Variants in CRACR2A observed in about 807,000 individuals in gnomAD.
CRACR2A encodes the protein calcium release activated channel regulator 2A, also known as EF-hand calcium-binding domain-containing protein 4B.
In CRACR2A, 79 loss-of-function variants were observed where a neutral mutation model predicts 90.5. The observed-to-expected ratio is 0.87, with a 90% CI of 0.73 to 1.05. The LOEUF (loss-of-function observed/expected upper bound fraction) is 1.05, where lower values mean the gene tolerates loss of function less well. CRACR2A is among the 50% of genes least tolerant of loss of function. The probability of loss-of-function intolerance (pLI) is 0.00; values close to 1 mark genes in which losing one functional copy is unlikely to be tolerated. For synonymous variants in CRACR2A, 338 were observed against 356.7 expected, an observed-to-expected ratio of 0.95 and a Z score of 0.59; for missense variants, 823 against 897.2, an observed-to-expected ratio of 0.92 and a Z score of 1.06.
At position 3,642,775 on chromosome 12, in the gene CRACR2A, C is replaced by T. The variant is rs1033329705; in HGVS notation, c.1165-937G>A. 3.0e-4 allele frequency among the ~76,000 whole-genome samples: 45 copies of T among 152,078 alleles called. 2 individuals are homozygous for T. Among genetic ancestry groups the T allele is most frequent in the Admixed American group, 2.7e-3 (41 of 15,270 alleles). ...ACCTGGGTGGAGCAGGGGTTTACAA[C>T]CCCCTTTGCCTATGCTCCCTGACAG... On this transcript the variant is annotated intron_variant, in intron 12 of 19. Coordinates refer to ENST00000440314, the MANE Select transcript of CRACR2A (RefSeq NM_001144958.2).
intron 2 of CRACR2A, among the ~76,000 whole-genome samples, chr12:3,720,709 C>T (rs182570958): frequency 1.0e-3 from 159 of 152,324 alleles, no homozygotes; most frequent in African/African-American, 3.7e-3. Flanking sequence ...CTGTGTTATT[C>T]CCACTTCCAA....
intron 17 of CRACR2A, among the ~76,000 whole-genome samples, chr12:3,621,756 C>T (rs1469627540): frequency 6.7e-6 from 1 of 148,654 alleles, no homozygotes; most frequent in Non-Finnish European, 1.5e-5. Context: ...GCAAAGCACT[C>T]AGCAGGAGCT....
chr12:3,632,672 C>T (rs1944395655), intron 15 of CRACR2A, among the ~76,000 whole-genome samples: 1 of 152,190 alleles, frequency 6.6e-6, no homozygotes, highest in Non-Finnish European at 1.5e-5. Flanking sequence ...TGTGAACAAG[C>T]CTCTAACCTC....
chr12:3,655,924 C>T (rs1944895602), intron 9 of CRACR2A, among the ~76,000 whole-genome samples: 2 of 152,212 alleles, frequency 1.3e-5, no homozygotes, highest in Admixed American at 1.3e-4. Flanking sequence ...AGGGAAGAAA[C>T]TTATCTGCAG....
intron 1 of CRACR2A, chr12:3,752,630 C>CA (rs1946727677): frequency 6.6e-6 from 1 of 152,458 alleles, no homozygotes; most frequent in African/African-American, 2.4e-5. Context: ...CACTGACCTG[C>CA]AAGGTAGGAG....
Position 3,696,888 on chromosome 12 carries a change from GC to G in CRACR2A, c.111del (p.Glu37AspfsTer13). ...GACLHPLDSL[E>X]QKETQEQTSG... ...GACGTTTGCTCCTGAGTCTCCTTCT[GC>G]TCCAGGCTGTCCAGGGGATGCAGGC... On this transcript the variant is annotated frameshift_variant, in exon 4 of 20. Coordinates refer to ENST00000440314, the MANE Select transcript of CRACR2A (RefSeq NM_001144958.2). LOFTEE classifies it high-confidence loss of function. 1 of 1,614,212 alleles carries G rather than the reference GC, an allele frequency of 6.2e-7. No individual in the cohort carries two copies. Among genetic ancestry groups the G allele is most frequent in the Non-Finnish European group, 8.5e-7 (1 of 1,180,050 alleles).
chr12:3,739,000 C>G (rs1946486297), intron 1 of CRACR2A, among the ~76,000 whole-genome samples: 1 of 151,556 alleles, frequency 6.6e-6, no homozygotes, highest in Admixed American at 6.6e-5. Context: ...AAAAAGATAT[C>G]CTTTAAGAAC....
At chr12:3,708,199 C>A (rs766899381) in intron 3 of CRACR2A, among the ~76,000 whole-genome samples, 4 of 152,168 alleles carry the variant, frequency 2.6e-5, no homozygotes, top group Non-Finnish European at 5.9e-5. Flanking sequence ...AAGTTTCCCC[C>A]ACCCCTCTAA....
chr12:3,736,623 A>G (rs1158551305), intron 1 of CRACR2A, among the ~76,000 whole-genome samples: 1 of 152,138 alleles, frequency 6.6e-6, no homozygotes, highest in Non-Finnish European at 1.5e-5. Flanking sequence ...GAGGGAGCAG[A>G]AAAAAACTGA....
In CRACR2A at chr12:3,653,120, T is replaced by C. The variant is rs1004597236; in HGVS notation, c.1046+1092A>G. ...GCCTCAGCCTCCCGAGTAGCTGAGA[T>C]TACAGGCGTGCGCCATCATGCCTGG... On this transcript the variant is annotated intron_variant, in intron 10 of 19. Coordinates refer to ENST00000440314, the MANE Select transcript of CRACR2A (RefSeq NM_001144958.2). 6.6e-5 allele frequency among the ~76,000 whole-genome samples: 10 copies of C among 152,136 alleles called. 1 individual carries two copies. Among genetic ancestry groups the C allele is most frequent in the Middle Eastern group, 3.2e-3 (1 of 316 alleles).
chr12:3,670,876 A>G (rs944888423), intron 7 of CRACR2A, among the ~76,000 whole-genome samples: 3 of 152,130 alleles, frequency 2.0e-5, no homozygotes, highest in African/African-American at 4.8e-5. Context: ...TGAGTCCCCA[A>G]TCCCAACACA....
chr12:3,660,239 G>C (rs972205535), intron 7 of CRACR2A, among the ~76,000 whole-genome samples: 4 of 152,102 alleles, frequency 2.6e-5, no homozygotes, highest in Admixed American at 6.5e-5. Flanking sequence ...GAGATTCCAT[G>C]ATGATGACAA....
chr12:3,621,900 G>T (rs1325181281), intron 17 of CRACR2A, among the ~76,000 whole-genome samples: 1 of 151,848 alleles, frequency 6.6e-6, no homozygotes, highest in South Asian at 2.1e-4. Flanking sequence ...AAATAAATGA[G>T]AATACCCATA....
intron 4 of CRACR2A, among the ~76,000 whole-genome samples, chr12:3,686,675 T>A (rs1026275237): frequency 6.6e-6 from 1 of 152,078 alleles, no homozygotes; most frequent in African/African-American, 2.4e-5. Flanking sequence ...CAGCCCCCCG[T>A]GAAGCTTCTA....
intron 5 of CRACR2A, among the ~76,000 whole-genome samples, chr12:3,679,673 C>G (rs531823307): frequency 6.6e-6 from 1 of 152,354 alleles, no homozygotes; most frequent in East Asian, 1.9e-4. Context: ...ACACATAAGG[C>G]AGATATATGG....
chr12:3,717,161 C>T (rs185723805), intron 2 of CRACR2A, among the ~76,000 whole-genome samples: 7 of 152,202 alleles, frequency 4.6e-5, no homozygotes, highest in South Asian at 2.1e-4. Flanking sequence ...AGCAAGGTCA[C>T]GAGAAATGCC....
chr12:3,695,525 G>A (rs1945724664), intron 4 of CRACR2A, among the ~76,000 whole-genome samples: 1 of 152,166 alleles, frequency 6.6e-6, no homozygotes, highest in Non-Finnish European at 1.5e-5. Flanking sequence ...ATGGGGCCAG[G>A]GAAAGAACTG....
chr12:3,627,483 C>T lies in CRACR2A; in HGVS notation c.1885G>A (p.Asp629Asn). The change falls in exon 17 of 20, where the codon GAC becomes AAC. Residue 629 changes from aspartate to asparagine, a missense_variant. Transcript: ENST00000440314. ...DGVIVMYDLT[D>N]KQSFLSVRRW... is the part of the protein sequence containing the mutation. ...CGGACCGACAGGAACGACTGCTTGT[C>T]TGTGAGATCGTACATGACGATGACA... 10 of 1,552,044 alleles carry T rather than the reference C, an allele frequency of 6.4e-6. No homozygotes were observed. Among genetic ancestry groups the T allele is most frequent in the Non-Finnish European group, 8.7e-6 (10 of 1,147,082 alleles).
chr12:3,643,831 A>T (rs1238541189), intron 12 of CRACR2A, among the ~76,000 whole-genome samples: 12 of 81,246 alleles, frequency 1.5e-4, no homozygotes, highest in African/African-American at 3.1e-4. Context: ...ATTATATATA[A>T]ATATATATAA....
Sources: allele counts gnomAD v4.1 joint callset (sites outside exome capture counted in the v4.1 genomes callset), GRCh38; gene constraint gnomAD v4.1.1; transcripts MANE v1.5; gene names NCBI Gene and HGNC (gene_info 2026-07-23, HGNC 2026-07-21).